Variants in OTUD7A observed in about 807,000 individuals in gnomAD.
OTUD7A encodes OTU domain-containing protein 7A.
In OTUD7A, 12 loss-of-function variants were observed where a neutral mutation model predicts 65.7. The observed-to-expected ratio is 0.18, with a 90% CI of 0.12 to 0.30. OTUD7A has a LOEUF of 0.30. Ranked by LOEUF, OTUD7A falls within the 10% of genes least tolerant of loss-of-function variation. OTUD7A has a pLI of 1.00. For synonymous variants in OTUD7A, 641 were observed against 586.3 expected (o/e 1.09, Z -1.35); for missense variants, 1,148 against 1,304.8 (o/e 0.88, Z 1.85).
intron 4 of OTUD7A, among the ~76,000 whole-genome samples, chr15:31,566,524 C>T (rs1469034980): frequency 3.3e-5 from 5 of 152,144 alleles, no homozygotes; most frequent in Admixed American, 2.6e-4. Context: ...CAAGATGAGA[C>T]AAGACACCAT....
chr15:31,629,158 C>T (rs1891060310), intron 3 of OTUD7A, among the ~76,000 whole-genome samples: 1 of 152,072 alleles, frequency 6.6e-6, no homozygotes. Flanking sequence ...AGAGGGCATC[C>T]CTGTCTTATG....
At chr15:31,632,515 A>G (rs564954364) in intron 3 of OTUD7A, among the ~76,000 whole-genome samples, 1 of 152,350 alleles carries the variant, frequency 6.6e-6, no homozygotes, top group African/African-American at 2.4e-5. Context: ...TGGCCGTGTG[A>G]GGTGTCAGTC....
intron 10 of OTUD7A, among the ~76,000 whole-genome samples, chr15:31,493,617 T>G (rs2041347276): frequency 6.6e-6 from 1 of 152,208 alleles, no homozygotes; most frequent in Non-Finnish European, 1.5e-5. Context: ...CAGAACATAT[T>G]CTTAGCCAGT....
intron 10 of OTUD7A, among the ~76,000 whole-genome samples, chr15:31,497,246 A>G (rs1413401172): frequency 2.1e-5 from 3 of 144,574 alleles, no homozygotes; most frequent in Non-Finnish European, 3.0e-5. Flanking sequence ...TAATTGACTT[A>G]TATGTTAATT....
chr15:31,665,960 A>C (rs559800780), intron 1 of OTUD7A, among the ~76,000 whole-genome samples: 1 of 151,248 alleles, frequency 6.6e-6, no homozygotes, highest in African/African-American at 2.4e-5. Context: ...CATTGCGTTT[A>C]TTGACTTGCG....
chr15:31,605,922 T>C (rs1403578865), intron 3 of OTUD7A, among the ~76,000 whole-genome samples: 7 of 152,172 alleles, frequency 4.6e-5, no homozygotes, highest in Admixed American at 2.0e-4. Context: ...CAGTGAACCA[T>C]TTCTGCTGGA....
At chr15:31,758,038 G>A (rs188823458) in intron 1 of OTUD7A, among the ~76,000 whole-genome samples, 6 of 152,184 alleles carry the variant, frequency 3.9e-5, no homozygotes, top group East Asian at 3.9e-4. Flanking sequence ...AAATGTCTTC[G>A]ATTTTTATTT....
intron 1 of OTUD7A, among the ~76,000 whole-genome samples, chr15:31,664,811 A>C (rs368494322): frequency 6.6e-6 from 1 of 152,188 alleles, no homozygotes; most frequent in African/African-American, 2.4e-5. Flanking sequence ...TAAGTCATTA[A>C]TCCCTCTTGA....
At chr15:31,507,245 G>A (rs899772370) in intron 8 of OTUD7A, among the ~76,000 whole-genome samples, 5 of 152,116 alleles carry the variant, frequency 3.3e-5, no homozygotes, top group Non-Finnish European at 7.3e-5. Context: ...AGTGATTAAG[G>A]GTAGGTTTAG....
chr15:31,507,438 C>A (rs1025819465), intron 8 of OTUD7A, among the ~76,000 whole-genome samples: 1 of 152,018 alleles, frequency 6.6e-6, no homozygotes, highest in Non-Finnish European at 1.5e-5. Context: ...GGTTGTTAGG[C>A]TGTAGTGTAT....
chr15:31,619,028 G>C (rs1319803460), intron 3 of OTUD7A, among the ~76,000 whole-genome samples: 2 of 152,186 alleles, frequency 1.3e-5, no homozygotes, highest in Non-Finnish European at 2.9e-5. Context: ...TTGTTAAATA[G>C]GGAATCCTTT....
At chr15:31,637,634 A>G (rs1200796366) in intron 3 of OTUD7A, among the ~76,000 whole-genome samples, 1 of 152,186 alleles carries the variant, frequency 6.6e-6, no homozygotes, top group South Asian at 2.1e-4. Context: ...TACATTGAAA[A>G]CCTTCTGGAA....
At chr15:31,493,468 G>T (rs950279044) in intron 10 of OTUD7A, among the ~76,000 whole-genome samples, 1 of 152,234 alleles carries the variant, frequency 6.6e-6, no homozygotes, top group East Asian at 1.9e-4. Context: ...GTAACTGACA[G>T]AGCAAGTAGG....
chr15:31,853,657 T>A (rs749308089), intron 1 of OTUD7A, among the ~76,000 whole-genome samples: 1 of 151,854 alleles, frequency 6.6e-6, no homozygotes, highest in Non-Finnish European at 1.5e-5. Context: ...AGGCAGCAAA[T>A]GTATGACAGA....
At chr15:31,608,055 T>C (rs1890287478) in intron 3 of OTUD7A, among the ~76,000 whole-genome samples, 2 of 152,156 alleles carry the variant, frequency 1.3e-5, no homozygotes, top group South Asian at 4.1e-4. Context: ...GAGACCATCC[T>C]GGCCAACATG....
intron 3 of OTUD7A, among the ~76,000 whole-genome samples, chr15:31,649,433 CAAG>C (rs1469119437): frequency 1.3e-5 from 2 of 152,086 alleles, no homozygotes; most frequent in African/African-American, 2.4e-5. Context: ...AATAAAAATA[CAAG>C]AAGTTACAAA....
At chr15:31,623,194 T>A (rs985669122) in intron 3 of OTUD7A, among the ~76,000 whole-genome samples, 1 of 152,224 alleles carries the variant, frequency 6.6e-6, no homozygotes, top group Non-Finnish European at 1.5e-5. Context: ...TGCCTTCCAG[T>A]TAGGCTACTC....
At chr15:31,842,339 T>G (rs1897203494) in intron 1 of OTUD7A, among the ~76,000 whole-genome samples, 1 of 152,244 alleles carries the variant, frequency 6.6e-6, no homozygotes, top group African/African-American at 2.4e-5. Context: ...ACTTCTGACG[T>G]GGCCTTTGTG....
At chr15:31,501,612 C>G in intron 10 of OTUD7A, 78 bp downstream of exon 10, 1 of 1,577,238 alleles carries the variant, frequency 6.3e-7, no homozygotes, top group Non-Finnish European at 8.7e-7. Flanking sequence ...ATCCACCTCC[C>G]CGTGCAATGG....
Sources: gnomAD v4.1 joint callset for allele counts (sites outside exome capture counted in the v4.1 genomes callset) on GRCh38, gnomAD v4.1.1 for gene constraint, MANE v1.5 for transcripts, NCBI Gene and HGNC (gene_info 2026-07-23, HGNC 2026-07-21) for gene names.